Variants in SEPTIN10 observed in about 807,000 individuals in gnomAD.
The protein encoded by SEPTIN10 is septin-10.
Under a neutral mutation model 54.8 loss-of-function variants are expected in SEPTIN10, and 66 were observed. The observed-to-expected ratio is 1.21, with a 90% CI of 0.99 to 1.48. The LOEUF is 1.48. Ranked by LOEUF, SEPTIN10 falls within the 40% of genes most tolerant of loss-of-function variation. SEPTIN10 has a pLI of 0.00. For synonymous variants in SEPTIN10, 161 were observed against 181.0 expected (o/e 0.89, Z 0.89); for missense variants, 620 against 545.6 (o/e 1.14, Z -1.36).
intron 8 of SEPTIN10, among the ~76,000 whole-genome samples, chr2:109,555,849 A>T (rs1035041595): frequency 6.6e-6 from 1 of 152,124 alleles, no homozygotes; most frequent in African/African-American, 2.4e-5. Flanking sequence ...CCTTTAAAAC[A>T]GTTTCTTGTA....
At chr2:109,569,018 T>G (rs1290583460) in intron 5 of SEPTIN10, among the ~76,000 whole-genome samples, 1 of 152,204 alleles carries the variant, frequency 6.6e-6, no homozygotes, top group African/African-American at 2.4e-5. Flanking sequence ...GACTGATAGC[T>G]CCACAAATTT....
At chr2:109,593,409 C>CCTTTTTTT (rs1553444458) in intron 1 of SEPTIN10, among the ~76,000 whole-genome samples, 1 of 133,804 alleles carries the variant, frequency 7.5e-6, no homozygotes, top group Non-Finnish European at 1.6e-5. Context: ...AGAGAAAGAA[C>CCTTTTTTT]TTTTTTTTTT....
At chr2:109,551,956 C>T (rs1385748100) in intron 9 of SEPTIN10, among the ~76,000 whole-genome samples, 8 of 152,158 alleles carry the variant, frequency 5.3e-5, no homozygotes, top group African/African-American at 1.7e-4. Context: ...CCCCAGGCCG[C>T]GGACCAGTAC....
At chr2:109,545,396 A>G (rs536358200) in intron 10 of SEPTIN10, 1 of 1,535,140 alleles carries the variant, frequency 6.5e-7, no homozygotes, top group East Asian at 2.4e-5. Flanking sequence ...CCAAACCTAC[A>G]CGCCTTGCGA....
chr2:109,582,399 A>C (rs1187222826), intron 4 of SEPTIN10, among the ~76,000 whole-genome samples: 1 of 152,166 alleles, frequency 6.6e-6, no homozygotes, highest in Admixed American at 6.6e-5. Flanking sequence ...GGCTCACTGC[A>C]GCTTCGACTT....
rs377371706 is a variant in SEPTIN10, at chr2:109,601,750, T to C, written c.31-8631A>G. ...TTAAATATAAAGCTCAAAATATCTT[T>C]CTACACCCTGAAGTTAAAAAAAAAA... On this transcript the variant is annotated intron_variant, in intron 1 of 10. Transcript: ENST00000397712. 2.7e-5 allele frequency among the ~76,000 whole-genome samples: 4 copies of C among 150,818 alleles called. No individual in the cohort carries two copies. The East Asian group carries it at 7.8e-4, about 30-fold the overall frequency.
intron 1 of SEPTIN10, chr2:109,613,495 A>G (rs1340267560): frequency 4.1e-6 from 1 of 245,790 alleles, no homozygotes; most frequent in Non-Finnish European, 8.1e-6. Context: ...AGAGACCCAC[A>G]AACACCGCTG....
intron 1 of SEPTIN10, chr2:109,605,595 G>A (rs1407267551): frequency 6.6e-6 from 1 of 152,104 alleles, no homozygotes; most frequent in Non-Finnish European, 1.5e-5. Context: ...AAGCTAATCA[G>A]AATACCTGAG....
intron 8 of SEPTIN10, among the ~76,000 whole-genome samples, chr2:109,562,422 A>C (rs1685905807): frequency 6.7e-6 from 1 of 149,132 alleles, no homozygotes; most frequent in Admixed American, 6.7e-5. Context: ...CCCACCCCTC[A>C]ACAGAGACTC....
At chr2:109,584,251 T>C (rs1161294266) in intron 4 of SEPTIN10, among the ~76,000 whole-genome samples, 2 of 151,916 alleles carry the variant, frequency 1.3e-5, no homozygotes, top group African/African-American at 4.8e-5. Context: ...CCGAGGTGGG[T>C]AGATCACCTG....
At chr2:109,599,219 A>G (rs902597763) in intron 1 of SEPTIN10, among the ~76,000 whole-genome samples, 22 of 152,244 alleles carry the variant, frequency 1.4e-4, no homozygotes, top group Middle Eastern at 6.8e-3. Context: ...GCACTCTGGG[A>G]GGCCAAGACC....
intron 1 of SEPTIN10, among the ~76,000 whole-genome samples, chr2:109,607,857 T>C (rs1211900257): frequency 6.6e-6 from 1 of 152,208 alleles, no homozygotes; most frequent in Non-Finnish European, 1.5e-5. Flanking sequence ...AGTCACCCAC[T>C]GACTAACTTG....
intron 10 of SEPTIN10, chr2:109,545,203 C>G: frequency 1.0e-6 from 1 of 985,324 alleles, no homozygotes; most frequent in Non-Finnish European, 1.2e-6. Context: ...GGCAGAGTCC[C>G]CCAAATGAGC....
chr2:109,570,378 A>G (rs1688065430), intron 5 of SEPTIN10, among the ~76,000 whole-genome samples: 2 of 152,194 alleles, frequency 1.3e-5, no homozygotes, highest in African/African-American at 4.8e-5. Context: ...CCCCCTCATC[A>G]TCTGTGGGTT....
chr2:109,577,527 G>A (rs1317897491), intron 4 of SEPTIN10, among the ~76,000 whole-genome samples: 1 of 151,856 alleles, frequency 6.6e-6, no homozygotes, highest in Non-Finnish European at 1.5e-5. Flanking sequence ...AGGAGGTGGA[G>A]GTTGCAGTGA....
chr2:109,558,286 T>C (rs529262586), intron 8 of SEPTIN10, among the ~76,000 whole-genome samples: 50 of 152,224 alleles, frequency 3.3e-4, no homozygotes, highest in Admixed American at 1.6e-3. Flanking sequence ...AAGTCTACTA[T>C]AGACTACCTG....
intron 8 of SEPTIN10, among the ~76,000 whole-genome samples, chr2:109,560,412 T>C (rs1009131195): frequency 6.6e-6 from 1 of 152,114 alleles, no homozygotes; most frequent in Non-Finnish European, 1.5e-5. Context: ...TCCTCCCTTC[T>C]CAAGCTCTCC....
In SEPTIN10 at chr2:109,543,925, T is replaced by G; in HGVS notation, c.*384A>C. ...ACATAATTCATGTTTCACATCCACC[T>G]TATACATATAGCCTGAAAGTAATTT... is the stretch of plus-strand genomic sequence containing the variant. On this transcript the variant is annotated 3_prime_UTR_variant, in exon 11 of 11. Coordinates refer to ENST00000397712, the MANE Select transcript of SEPTIN10 (RefSeq NM_144710.5). 1 of 530,532 alleles carries G rather than the reference T, an allele frequency of 1.9e-6. No homozygotes were observed. Among genetic ancestry groups the G allele is most frequent in the Non-Finnish European group, 3.3e-6 (1 of 301,018 alleles). The allele number at this position is 530,532 out of a possible 1,614,324, so 32.9% of individuals were successfully genotyped here.
intron 1 of SEPTIN10, among the ~76,000 whole-genome samples, chr2:109,600,314 C>T (rs958281034): frequency 6.6e-6 from 1 of 152,112 alleles, no homozygotes; most frequent in Non-Finnish European, 1.5e-5. Context: ...AATACTACCC[C>T]TGCCCCTCAT....
Sources: allele counts gnomAD v4.1 joint callset (sites outside exome capture counted in the v4.1 genomes callset), GRCh38; gene constraint gnomAD v4.1.1; transcripts MANE v1.5; gene names NCBI Gene and HGNC (gene_info 2026-07-23, HGNC 2026-07-21).